The following HSD17B11 variants were observed in gnomAD, a reference collection of about 807,000 sequenced individuals.
HSD17B11 encodes the protein hydroxysteroid 17-beta dehydrogenase 11.
HSD17B11 carries 22 observed loss-of-function variants against 27.8 expected under a neutral mutation model. The observed-to-expected ratio is 0.79, with a 90% CI of 0.56 to 1.13. The LOEUF (loss-of-function observed/expected upper bound fraction) is 1.13. Ranked by LOEUF, HSD17B11 falls within the 50% of genes most tolerant of loss-of-function variation. The probability of loss-of-function intolerance (pLI) is 0.00; values close to 1 mark genes in which losing one functional copy is unlikely to be tolerated. For missense variants in HSD17B11, 314 were observed against 351.1 expected (o/e 0.89, Z 0.84); for synonymous variants, 117 against 132.8 (o/e 0.88, Z 0.82).
At chr4:87,357,993 G>A (rs1412395833) in intron 4 of HSD17B11, among the ~76,000 whole-genome samples, 1 of 87,820 alleles carries the variant, frequency 1.1e-5, no homozygotes, top group African/African-American at 4.1e-5. Context: ...ACAGAGTCTT[G>A]CTCTGTCACC....
Position 87,377,824 on chromosome 4 carries a change from T to C in HSD17B11, c.319-2994A>G, listed in dbSNP as rs1230768496. Among the ~76,000 whole-genome samples, 8 of 152,320 alleles carry C rather than the reference T, an allele frequency of 5.3e-5. No individual in the cohort carries two copies. In the East Asian group the frequency reaches 1.5e-3, roughly 29 times the overall value. On this transcript the variant is annotated intron_variant, in intron 2 of 6. Transcript: ENST00000358290. The stretch of plus-strand genomic sequence containing the variant: ...GTGTGTTGGGGGACTGAGGGAAAAG[T>C]GGCAAATAGCCTATGAGGGGCTTTT...
chr4:87,390,810 A>G, intron 1 of HSD17B11, 51 bp downstream of exon 1: 1 of 1,523,564 alleles, frequency 6.6e-7, no homozygotes, highest in South Asian at 1.1e-5. Flanking sequence ...AAATGCAGAC[A>G]CATCCACAAA....
rs190504087 is a variant in HSD17B11, at chr4:87,346,845, C to T, written c.696-6239G>A. 2.9e-3 allele frequency among the ~76,000 whole-genome samples: 443 copies of T among 151,866 alleles called. 8 individuals carry two copies. The highest frequency in any genetic ancestry group is 1.5e-3 in the Non-Finnish European group (99 of 67,944). ...ACTGAGGCAAGATCAGCCTGGGGAA[C>T]AAAGCAAGACCTTGTCTCTAAAAGA... On this transcript the variant is annotated intron_variant, in intron 5 of 6. Transcript: ENST00000358290.
rs79801927 is a variant in HSD17B11 at position 87,339,195 on chromosome 4, C to T, written c.812+1295G>A. On this transcript the variant is annotated intron_variant, in intron 6 of 6. Coordinates refer to ENST00000358290, the MANE Select transcript of HSD17B11 (RefSeq NM_016245.5). Reference sequence around the variant, plus strand: ...GCTGCGATCACTGAGTGCATACTTACGTAACATGACAAGTACAATGCCAGA... The same window carrying T: ...GCTGCGATCACTGAGTGCATACTTATGTAACATGACAAGTACAATGCCAGA... Among the ~76,000 whole-genome samples, 1,266 of 152,258 alleles carry T rather than the reference C, an allele frequency of 8.3e-3. 16 individuals carry two copies. Among genetic ancestry groups the T allele is most frequent in the African/African-American group, 0.029 (1,200 of 41,542 alleles).
chr4:87,347,136 T>A (rs1445886915), intron 5 of HSD17B11, among the ~76,000 whole-genome samples: 13 of 84,890 alleles, frequency 1.5e-4, no homozygotes, highest in South Asian at 3.3e-4. Context: ...TTTTTTTTTT[T>A]ATTATACTCT....
intron 4 of HSD17B11, among the ~76,000 whole-genome samples, chr4:87,372,242 CAAAAAAAAAA>C (rs10618602): frequency 0.048 from 4,745 of 99,530 alleles, 329 homozygotes; most frequent in African/African-American, 0.15. Flanking sequence ...GACTCCGTCT[CAAAAAAAAAA>C]AAAAAAAAAA....
chr4:87,375,810 C>T (rs1270871661), intron 2 of HSD17B11, among the ~76,000 whole-genome samples: 1 of 150,332 alleles, frequency 6.7e-6, no homozygotes, highest in East Asian at 1.9e-4. Flanking sequence ...AAACTGATTA[C>T]ACTATTAAGC....
chr4:87,368,726 A>G (rs1735653911), intron 4 of HSD17B11, among the ~76,000 whole-genome samples: 1 of 152,216 alleles, frequency 6.6e-6, no homozygotes, highest in Non-Finnish European at 1.5e-5. Flanking sequence ...ACAGTAAAGG[A>G]GATGGCCAAA....
intron 4 of HSD17B11, among the ~76,000 whole-genome samples, chr4:87,368,779 T>A (rs1735655147): frequency 6.6e-6 from 1 of 152,166 alleles, no homozygotes; most frequent in Non-Finnish European, 1.5e-5. Flanking sequence ...CCTCTGGTCG[T>A]CCTCACTGCT....
At chr4:87,369,632 G>T (rs538354776) in intron 4 of HSD17B11, among the ~76,000 whole-genome samples, 1 of 152,122 alleles carries the variant, frequency 6.6e-6, no homozygotes, top group South Asian at 2.1e-4. Flanking sequence ...ATGAGATCTT[G>T]CTATGTTACC....
chr4:87,341,891 G>C (rs937224872), intron 5 of HSD17B11, among the ~76,000 whole-genome samples: 4 of 151,498 alleles, frequency 2.6e-5, no homozygotes, highest in Non-Finnish European at 5.9e-5. Flanking sequence ...ATAGATAAGT[G>C]GCTTAAAAAA....
intron 4 of HSD17B11, among the ~76,000 whole-genome samples, chr4:87,368,308 C>G (rs748775422): frequency 1.3e-5 from 2 of 151,996 alleles, no homozygotes; most frequent in Non-Finnish European, 2.9e-5. Flanking sequence ...CAGAGCGAGA[C>G]TCCATCTCAA....
At chr4:87,388,124 C>T (rs1045584249) in intron 1 of HSD17B11, among the ~76,000 whole-genome samples, 3 of 147,364 alleles carry the variant, frequency 2.0e-5, no homozygotes, top group Non-Finnish European at 3.0e-5. Flanking sequence ...AGAAATATAA[C>T]GCAAGCCATG....
intron 4 of HSD17B11, among the ~76,000 whole-genome samples, chr4:87,369,261 C>CTA (rs1405680233): frequency 1.3e-5 from 2 of 152,014 alleles, no homozygotes; most frequent in Non-Finnish European, 2.9e-5. Flanking sequence ...TATGGTGAAC[C>CTA]TATATATAGA....
At chr4:87,354,428 C>G (rs185806050) in intron 5 of HSD17B11, among the ~76,000 whole-genome samples, 1 of 151,654 alleles carries the variant, frequency 6.6e-6, no homozygotes, top group Non-Finnish European at 1.5e-5. Flanking sequence ...CAATTGAGTT[C>G]AAGGAGCCCT....
intron 4 of HSD17B11, among the ~76,000 whole-genome samples, chr4:87,357,855 C>A (rs57290917): frequency 0.037 from 5,656 of 151,578 alleles, 371 homozygotes; most frequent in African/African-American, 0.13. Flanking sequence ...CCTTTCCTAA[C>A]CCCCAGTCTA....
chr4:87,377,418 C>G (rs906007416), intron 2 of HSD17B11, among the ~76,000 whole-genome samples: 1 of 150,826 alleles, frequency 6.6e-6, no homozygotes, highest in Non-Finnish European at 1.5e-5. Context: ...CCACTGTGCT[C>G]TAGCCTGAGC....
intron 4 of HSD17B11, among the ~76,000 whole-genome samples, chr4:87,364,427 T>C (rs1257956047): frequency 6.6e-6 from 1 of 152,156 alleles, no homozygotes; most frequent in Non-Finnish European, 1.5e-5. Flanking sequence ...TATCAGCAAT[T>C]ACTTTGCATT....
At chr4:87,377,234 G>A (rs1735847274) in intron 2 of HSD17B11, among the ~76,000 whole-genome samples, 1 of 152,162 alleles carries the variant, frequency 6.6e-6, no homozygotes, top group Non-Finnish European at 1.5e-5. Context: ...GGTGGATCAT[G>A]AGGTCAGGAG....
Sources: allele counts gnomAD v4.1 joint callset (sites outside exome capture counted in the v4.1 genomes callset), GRCh38; gene constraint gnomAD v4.1.1; transcripts MANE v1.5; gene names NCBI Gene and HGNC (gene_info 2026-07-23, HGNC 2026-07-21).